TTC28: variants seen among roughly 807,000 people sequenced by gnomAD.
The protein encoded by TTC28 is tetratricopeptide repeat protein 28.
TTC28 carries 61 observed loss-of-function variants against 198.0 expected under a neutral mutation model. The ratio of observed to expected loss-of-function variants is 0.31; its 90% confidence interval spans 0.25 to 0.38. The LOEUF is 0.38. TTC28 is among the 10% of genes least tolerant of loss of function. TTC28 has a pLI of 1.00. For missense variants in TTC28, 2,678 were observed against 3,164.0 expected (o/e 0.85, Z 3.69); for synonymous variants, 1,171 against 1,297.8 (o/e 0.90, Z 2.10).
intron 2 of TTC28, among the ~76,000 whole-genome samples, chr22:28,469,744 A>C (rs925791823): frequency 6.6e-6 from 1 of 152,258 alleles, no homozygotes; most frequent in Non-Finnish European, 1.5e-5. Flanking sequence ...CCCTGGCAAG[A>C]TACCTTGATC....
At chr22:28,245,015 CAGAA>C (rs1378007995) in intron 5 of TTC28, among the ~76,000 whole-genome samples, 2 of 152,206 alleles carry the variant, frequency 1.3e-5, no homozygotes, top group East Asian at 3.9e-4. Context: ...ATTATGTATT[CAGAA>C]AGAAAGCAGT....
At chr22:28,578,249 T>C (rs1219538786) in intron 2 of TTC28, among the ~76,000 whole-genome samples, 1 of 152,072 alleles carries the variant, frequency 6.6e-6, no homozygotes, top group African/African-American at 2.4e-5. Flanking sequence ...GAGAAAACTA[T>C]TGAAAACTCT....
chr22:28,282,124 C>A (rs781118810), intron 5 of TTC28, among the ~76,000 whole-genome samples: 1 of 152,154 alleles, frequency 6.6e-6, no homozygotes, highest in East Asian at 1.9e-4. Context: ...AGTGTTAATT[C>A]TCTTCCAGTT....
intron 12 of TTC28, among the ~76,000 whole-genome samples, chr22:28,054,457 AG>A (rs1292191217): frequency 2.6e-5 from 4 of 152,156 alleles, no homozygotes; most frequent in African/African-American, 9.7e-5. Context: ...TTTTAAAATC[AG>A]GGTTTGAGCC....
intron 2 of TTC28, among the ~76,000 whole-genome samples, chr22:28,489,274 ATCC>A: frequency 6.9e-6 from 1 of 145,252 alleles, no homozygotes; most frequent in East Asian, 2.0e-4. Context: ...ACAGAGCAAG[ATCC>A]TATCTCTAAA....
intron 5 of TTC28, among the ~76,000 whole-genome samples, chr22:28,258,748 C>G (rs572262257): frequency 6.6e-6 from 1 of 152,124 alleles, no homozygotes; most frequent in East Asian, 1.9e-4. Context: ...TTTAGAACAA[C>G]AGTGAGGAAG....
intron 2 of TTC28, among the ~76,000 whole-genome samples, chr22:28,503,782 T>C (rs1377437197): frequency 2.6e-5 from 4 of 152,222 alleles, no homozygotes; most frequent in African/African-American, 9.6e-5. Context: ...AAGTAGTCAT[T>C]AGCTCCAGTC....
chr22:28,128,002 T>A (rs572127129), intron 6 of TTC28, among the ~76,000 whole-genome samples: 1 of 151,938 alleles, frequency 6.6e-6, no homozygotes, highest in African/African-American at 2.4e-5. Context: ...GTATTGGAAC[T>A]ACAGGTATGA....
chr22:28,163,140 C>A lies in TTC28; in HGVS notation c.1393G>T (p.Glu465Ter). ...TCTGCAGCCCGGTCCTTGAGATCCT[C>A]AGCAATGCCCAGCTGCTGCTCATGG... ...QYHEQQLGIA[E>*]DLKDRAAEGR... The change falls in exon 6 of 23, where the codon GAG becomes TAG. Residue 465 changes from glutamate to a stop codon, truncating the protein, a stop_gained. Coordinates refer to ENST00000397906, the MANE Select transcript of TTC28 (RefSeq NM_001145418.2). LOFTEE classifies it high-confidence loss of function. The A allele has an allele frequency of 6.4e-7, 1 of 1,551,732 alleles. No homozygotes were observed.
At chr22:28,064,724 G>A (rs542162551) in intron 12 of TTC28, among the ~76,000 whole-genome samples, 3 of 152,182 alleles carry the variant, frequency 2.0e-5, no homozygotes, top group East Asian at 3.9e-4. Context: ...CAGTTTTACC[G>A]TATTTATTGC....
chr22:28,355,961 G>A (rs1003528115), intron 2 of TTC28, among the ~76,000 whole-genome samples: 5 of 152,154 alleles, frequency 3.3e-5, no homozygotes, highest in Admixed American at 6.5e-5. Flanking sequence ...TCCTCTATTC[G>A]GGTATAAAGA....
At chr22:28,001,278 C>A (rs1327220408) in intron 15 of TTC28, 96 bp downstream of exon 15, 12 of 1,411,844 alleles carry the variant, frequency 8.5e-6, no homozygotes, top group Non-Finnish European at 1.9e-6. Flanking sequence ...GAGATCACAG[C>A]TATGCCTTCG....
chr22:28,528,592 C>G (rs969223522), intron 2 of TTC28, among the ~76,000 whole-genome samples: 1 of 151,266 alleles, frequency 6.6e-6, no homozygotes, highest in Non-Finnish European at 1.5e-5. Flanking sequence ...AAAAATTACC[C>G]GGGAATGGTG....
At chr22:28,509,406 A>G (rs1054679180) in intron 2 of TTC28, among the ~76,000 whole-genome samples, 1 of 152,206 alleles carries the variant, frequency 6.6e-6, no homozygotes, top group Non-Finnish European at 1.5e-5. Flanking sequence ...CTACACAGAA[A>G]TTGAACAACC....
chr22:28,417,717 G>A (rs1175057991), intron 2 of TTC28, among the ~76,000 whole-genome samples: 5 of 152,158 alleles, frequency 3.3e-5, no homozygotes, highest in Non-Finnish European at 7.3e-5. Context: ...CAAGCTTCCT[G>A]ACAGAAAAAT....
intron 2 of TTC28, among the ~76,000 whole-genome samples, chr22:28,624,772 C>G (rs192394368): frequency 1.1e-3 from 166 of 151,750 alleles, no homozygotes; most frequent in African/African-American, 3.8e-3. Flanking sequence ...CAAAACGAAA[C>G]AAATACATCA....
chr22:28,568,945 G>A (rs570707677), intron 2 of TTC28, among the ~76,000 whole-genome samples: 61 of 151,998 alleles, frequency 4.0e-4, no homozygotes, highest in African/African-American at 1.4e-3. Flanking sequence ...TCAGGAGTTC[G>A]ACACCAGCCT....
chr22:28,048,959 A>G lies in TTC28; in HGVS notation c.3933-18593T>C, dbSNP rs1309542650. Among the ~76,000 whole-genome samples, 4 of 152,044 alleles carry G rather than the reference A, an allele frequency of 2.6e-5. No homozygotes were observed. The East Asian group carries it at 7.7e-4, about 29-fold the overall frequency. The stretch of plus-strand genomic sequence containing the variant: ...CCCTGAACACCTGTGGCCAAAAGGG[A>G]GCTCTCCCTTCTCTGTGCACCTCCA... On this transcript the variant is annotated intron_variant, in intron 12 of 22. Coordinates refer to ENST00000397906, the MANE Select transcript of TTC28 (RefSeq NM_001145418.2).
At chr22:28,352,276 C>T (rs901833986) in intron 2 of TTC28, among the ~76,000 whole-genome samples, 9 of 146,794 alleles carry the variant, frequency 6.1e-5, no homozygotes, top group African/African-American at 1.5e-4. Context: ...CCTGATTAAT[C>T]GAAAATTCTA....
Sources: allele counts gnomAD v4.1 joint callset (sites outside exome capture counted in the v4.1 genomes callset), GRCh38; gene constraint gnomAD v4.1.1; transcripts MANE v1.5; gene names NCBI Gene and HGNC (gene_info 2026-07-23, HGNC 2026-07-21).